Variants in DENND5B observed in about 807,000 individuals in gnomAD.
DENND5B encodes the protein DENN domain-containing protein 5B.
DENND5B carries 34 observed loss-of-function variants against 140.6 expected under a neutral mutation model. The ratio of observed to expected loss-of-function variants is 0.24; its 90% confidence interval spans 0.18 to 0.32. The LOEUF is 0.32. DENND5B is among the 10% of genes least tolerant of loss of function. The pLI is 1.00. For missense variants in DENND5B, 1,142 were observed against 1,560.2 expected (o/e 0.73, Z 4.52); for synonymous variants, 551 against 562.1 (o/e 0.98, Z 0.28).
intron 1 of DENND5B, among the ~76,000 whole-genome samples, chr12:31,526,194 C>T (rs533226916): frequency 6.6e-6 from 1 of 152,048 alleles, no homozygotes; most frequent in Non-Finnish European, 1.5e-5. Context: ...CTTTACATCC[C>T]CCTTCACAAG....
At chr12:31,538,086 T>C (rs192483833) in intron 1 of DENND5B, among the ~76,000 whole-genome samples, 12 of 152,300 alleles carry the variant, frequency 7.9e-5, no homozygotes, top group Admixed American at 7.8e-4. Context: ...TTTTCAGCGT[T>C]GGACAGATCT....
chr12:31,585,178 T>G (rs1049183321), intron 1 of DENND5B, among the ~76,000 whole-genome samples: 14 of 152,242 alleles, frequency 9.2e-5, no homozygotes, highest in African/African-American at 3.1e-4. Context: ...AATTTCAACA[T>G]GAGGTTTGGG....
In DENND5B at chr12:31,413,455, A is replaced by G. The variant is rs771511708; in HGVS notation, c.2662T>C (p.Ser888Pro). The change falls in exon 13 of 21, where the codon TCT (serine) becomes CCT (proline). Residue 888 changes from serine to proline, a missense_variant. Ser to Pro is a moderately conservative substitution (Grantham distance 74). Coordinates refer to ENST00000389082, the MANE Select transcript of DENND5B (RefSeq NM_144973.4). ...LLSQHLKQLL[S>P]NQPLTKKLYK... The stretch of plus-strand genomic sequence containing the variant: ...TCTTACTTGGTGAGTGGTTGGTTAG[A>G]AAGCAACTGCTTAAGATGCTGGGAC... 3 of 1,613,558 alleles carry G rather than the reference A, an allele frequency of 1.9e-6. 1 individual carries two copies.
intron 3 of DENND5B, among the ~76,000 whole-genome samples, chr12:31,466,075 T>G (rs1945249734): frequency 6.6e-6 from 1 of 152,110 alleles, no homozygotes. Context: ...AAAATTGGAA[T>G]GAGGCTGGGT....
intron 11 of DENND5B, 22 bp downstream of exon 11, chr12:31,423,574 GT>G (rs1266638348): frequency 6.2e-7 from 1 of 1,612,216 alleles, no homozygotes; most frequent in Non-Finnish European, 8.5e-7. Context: ...AGTGCTGCTA[GT>G]TCTTTACCAA....
At position 31,452,399 on chromosome 12, in the gene DENND5B, C is replaced by T; in HGVS notation, c.1170G>A (p.Val390=). 1 of 1,613,810 alleles carries T rather than the reference C, an allele frequency of 6.2e-7. No individual in the cohort carries two copies. The highest frequency in any genetic ancestry group is 8.5e-7 in the Non-Finnish European group (1 of 1,179,866). The stretch of plus-strand genomic sequence containing the variant: ...CCTCAGAGAGTTCTTGGATAAAATC[C>T]ACTTTATTGGGGAACTGTGGAAATT... ...PEEFPQFPNK[V]DFIQELSEVL... Residue 390 remains valine, a synonymous_variant, in exon 5 of 21, where the codon GTG becomes GTA. Transcript: ENST00000389082.
chr12:31,443,142 C>T (rs1479743084), intron 6 of DENND5B, among the ~76,000 whole-genome samples: 1 of 152,202 alleles, frequency 6.6e-6, no homozygotes, highest in Admixed American at 6.5e-5. Context: ...ATGGCGCGAT[C>T]TCAGCTCACT....
chr12:31,575,356 G>A (rs1482567194), intron 1 of DENND5B, among the ~76,000 whole-genome samples: 1 of 152,090 alleles, frequency 6.6e-6, no homozygotes. Flanking sequence ...GATAATGTTG[G>A]TGCTGATTCT....
intron 1 of DENND5B, among the ~76,000 whole-genome samples, chr12:31,508,822 A>AT (rs1274481909): frequency 1.3e-5 from 2 of 152,206 alleles, no homozygotes; most frequent in Non-Finnish European, 2.9e-5. Context: ...CACATCACAT[A>AT]TATCAGGAGG....
chr12:31,546,266 G>T (rs1167528002), intron 1 of DENND5B, among the ~76,000 whole-genome samples: 1 of 151,992 alleles, frequency 6.6e-6, no homozygotes, highest in Non-Finnish European at 1.5e-5. Flanking sequence ...ATTAAGCACG[G>T]TGTCGTTCTA....
intron 1 of DENND5B, among the ~76,000 whole-genome samples, chr12:31,571,027 C>T (rs560717875): frequency 1.3e-5 from 2 of 152,192 alleles, no homozygotes; most frequent in East Asian, 1.9e-4. Flanking sequence ...AAGCATTCTC[C>T]GCATTCTCGG....
At chr12:31,512,063 C>T (rs904608378) in intron 1 of DENND5B, among the ~76,000 whole-genome samples, 2 of 151,396 alleles carry the variant, frequency 1.3e-5, no homozygotes, top group African/African-American at 2.4e-5. Flanking sequence ...ATTACAGGCA[C>T]GTGCCACCAT....
Position 31,392,411 on chromosome 12 carries a change from C to G in DENND5B, c.3340-18G>C. The G allele has an allele frequency of 6.2e-7, 1 of 1,610,964 alleles. No individual in the cohort carries two copies. The highest frequency in any genetic ancestry group is 2.2e-5 in the East Asian group (1 of 44,836). ...CTTCCTCTCTGTGGGGCATAACACACAGTGCCAAAGAAAAATCTCCTGCAT... is the reference window on the plus strand; with the variant it reads ...CTTCCTCTCTGTGGGGCATAACACAGAGTGCCAAAGAAAAATCTCCTGCAT... On this transcript the variant is annotated intron_variant, in intron 18 of 20. Coordinates refer to ENST00000389082, the MANE Select transcript of DENND5B (RefSeq NM_144973.4).
At chr12:31,462,003 C>A (rs1224016166) in intron 3 of DENND5B, among the ~76,000 whole-genome samples, 3 of 152,130 alleles carry the variant, frequency 2.0e-5, no homozygotes, top group Admixed American at 6.5e-5. Context: ...GGTAATGAAT[C>A]ATCAGTTATC....
intron 1 of DENND5B, among the ~76,000 whole-genome samples, chr12:31,509,655 C>G (rs1947334765): frequency 6.6e-6 from 1 of 151,998 alleles, no homozygotes; most frequent in Non-Finnish European, 1.5e-5. Context: ...ACAAAATATC[C>G]AAAATAATCC....
chr12:31,531,345 G>A (rs1026601710), intron 1 of DENND5B, among the ~76,000 whole-genome samples: 5 of 152,236 alleles, frequency 3.3e-5, no homozygotes, highest in Middle Eastern at 3.4e-3. Context: ...GATTACAGGC[G>A]CATGCCACTA....
intron 1 of DENND5B, among the ~76,000 whole-genome samples, chr12:31,537,202 T>C (rs1435283137): frequency 6.6e-6 from 1 of 152,172 alleles, no homozygotes; most frequent in East Asian, 1.9e-4. Flanking sequence ...CTGTGGTGTG[T>C]AAATTACTCT....
rs1408865269 is a variant in DENND5B, at chr12:31,398,372, C to G, written c.3069-10G>C. ...CCGCCCACATGGGAATCTGGTAGGACAGAAAACAAGTTTTTTATTTTTTAT... is the reference window on the plus strand; with the variant it reads ...CCGCCCACATGGGAATCTGGTAGGAGAGAAAACAAGTTTTTTATTTTTTAT... On this transcript the variant is annotated splice_polypyrimidine_tract_variant and intron_variant, in intron 16 of 20. Coordinates refer to ENST00000389082, the MANE Select transcript of DENND5B (RefSeq NM_144973.4). 3.3e-6 allele frequency: 5 copies of G among 1,523,128 alleles called. No homozygotes were observed. The African/African-American group carries it at 5.6e-5, about 17-fold the overall frequency. 94.4% of individuals were successfully genotyped at this position (1,523,128 alleles called of 1,614,324 possible). A position where few individuals can be genotyped will look rare whatever the true frequency, so the allele number is the denominator to read the frequency against.
intron 1 of DENND5B, among the ~76,000 whole-genome samples, chr12:31,538,738 G>T (rs1324440879): frequency 6.6e-6 from 1 of 151,990 alleles, no homozygotes; most frequent in Non-Finnish European, 1.5e-5. Flanking sequence ...GCATGGTGGT[G>T]TGCACCTGTA....
Sources: gnomAD v4.1 joint callset for allele counts (sites outside exome capture counted in the v4.1 genomes callset) on GRCh38, gnomAD v4.1.1 for gene constraint, MANE v1.5 for transcripts, NCBI Gene and HGNC (gene_info 2026-07-23, HGNC 2026-07-21) for gene names.